The following CLEC9A variants were observed in gnomAD, a reference collection of about 807,000 sequenced individuals.
The protein encoded by CLEC9A is C-type lectin domain family 9 member A.
In CLEC9A, 24 loss-of-function variants were observed where a neutral mutation model predicts 30.0. The observed-to-expected ratio is 0.80, with a 90% CI of 0.58 to 1.13. CLEC9A has a LOEUF of 1.13. Among genes scored for constraint, CLEC9A ranks in the 50% most tolerant of loss-of-function variants. The pLI is 0.00. For synonymous variants in CLEC9A, 111 were observed against 96.8 expected, an observed-to-expected ratio of 1.15 and a Z score of -0.86; for missense variants, 251 against 280.9, an observed-to-expected ratio of 0.89 and a Z score of 0.76.
chr12:10,054,355 AG>A lies in CLEC9A; in HGVS notation c.172+5del. On this transcript the variant is annotated splice_donor_5th_base_variant and intron_variant, in intron 5 of 8. Transcript: ENST00000355819. ...TCCATTTTCTTGGGCGTCAAGTGTA[AG>A]TACTAAAAGATATTTTCAAAATATG... 1 of 1,581,386 alleles carries A rather than the reference AG, an allele frequency of 6.3e-7. No individual in the cohort carries two copies. The highest frequency in any genetic ancestry group is 8.7e-7 in the Non-Finnish European group (1 of 1,154,948).
At position 10,054,283 on chromosome 12, in the gene CLEC9A, T is replaced by C; in HGVS notation, c.104T>C (p.Leu35Pro). The C allele has an allele frequency of 6.2e-7, 1 of 1,613,078 alleles. No homozygotes were observed. The highest frequency in any genetic ancestry group is 2.2e-5 in the East Asian group (1 of 44,820). ...SSNKCSGACCLVMVISCVFCM... is the reference protein window; with the variant it reads ...SSNKCSGACCPVMVISCVFCM... ...ATTCTGTGGTTAGGAGCATGCTGTC[T>C]TGTGATGGTGATTTCATGTGTTTTC... The change falls in exon 5 of 9, where the codon CTT (leucine) becomes CCT (proline). Residue 35 changes from leucine (L) to proline (P), a missense_variant. Transcript: ENST00000355819.
chr12:10,044,494 T>C lies in CLEC9A; in HGVS notation c.-163+2874T>C, dbSNP rs148235628. Among the ~76,000 whole-genome samples the C allele has an allele frequency of 2.0e-4, 30 of 152,332 alleles. No homozygotes were observed. The East Asian group carries it at 5.6e-3, about 28-fold the overall frequency. ...ATTGCAGACAAATTAGTGGGGTTTTTTTTATTCTTCCAACAAATCAAACTC... is the reference window on the plus strand; with the variant it reads ...ATTGCAGACAAATTAGTGGGGTTTTCTTTATTCTTCCAACAAATCAAACTC... On this transcript the variant is annotated intron_variant, in intron 2 of 8. Coordinates refer to ENST00000355819, the MANE Select transcript of CLEC9A (RefSeq NM_207345.4).
intron 1 of CLEC9A, among the ~76,000 whole-genome samples, chr12:10,033,810 A>T (rs6488245): frequency 0.69 from 104,674 of 151,982 alleles, 36,752 homozygotes; most frequent in Middle Eastern, 0.84. Context: ...GGACACTTTT[A>T]AAGTGGGGCC....
At chr12:10,053,036 A>T (rs552340993) in intron 4 of CLEC9A, among the ~76,000 whole-genome samples, 1 of 152,312 alleles carries the variant, frequency 6.6e-6, no homozygotes, top group South Asian at 2.1e-4. Context: ...AGATTTGGGA[A>T]ATACGTGAAA....
At position 10,065,713 on chromosome 12, in the gene CLEC9A, A is replaced by T; in HGVS notation, c.*81A>T. The T allele has an allele frequency of 6.5e-7, 1 of 1,529,940 alleles. No homozygotes were observed. Among genetic ancestry groups the T allele is most frequent in the Non-Finnish European group, 8.8e-7 (1 of 1,130,080 alleles). 94.8% of individuals were successfully genotyped at this position (1,529,940 alleles called of 1,614,324 possible). A position where few individuals can be genotyped will look rare whatever the true frequency, so the allele number is the denominator to read the frequency against. ...AAACCCACCCCCACCCCCCCTCAAA[A>T]AAACAGAACAGTAAACCAAAATGTG... On this transcript the variant is annotated 3_prime_UTR_variant, in exon 9 of 9. Coordinates refer to ENST00000355819, the MANE Select transcript of CLEC9A (RefSeq NM_207345.4).
At chr12:10,043,513 C>T (rs1865815672) in intron 2 of CLEC9A, among the ~76,000 whole-genome samples, 1 of 151,950 alleles carries the variant, frequency 6.6e-6, no homozygotes, top group South Asian at 2.1e-4. Context: ...TTCTACCTTC[C>T]CCTCTCCCAT....
At chr12:10,050,985 A>T (rs866396778) in intron 2 of CLEC9A, among the ~76,000 whole-genome samples, 2 of 152,246 alleles carry the variant, frequency 1.3e-5, no homozygotes, top group Admixed American at 6.5e-5. Flanking sequence ...AAGGCGGATC[A>T]CCTGAGGTCA....
intron 2 of CLEC9A, chr12:10,045,523 G>T (rs1014890369): frequency 7.8e-6 from 2 of 257,570 alleles, no homozygotes; most frequent in South Asian, 5.3e-5. Context: ...AATATGAATT[G>T]TGCCTATTTT....
chr12:10,034,761 C>T (rs1036476754), intron 1 of CLEC9A, among the ~76,000 whole-genome samples: 6 of 152,284 alleles, frequency 3.9e-5, no homozygotes, highest in Non-Finnish European at 5.9e-5. Context: ...TGTGGGGCTC[C>T]GGCCCCACGG....
At chr12:10,043,932 G>A (rs574032625) in intron 2 of CLEC9A, among the ~76,000 whole-genome samples, 1 of 152,092 alleles carries the variant, frequency 6.6e-6, no homozygotes, top group Non-Finnish European at 1.5e-5. Flanking sequence ...GCCTGCCTCA[G>A]CCTCCCAAAG....
chr12:10,041,847 A>G (rs1047549426), intron 2 of CLEC9A, among the ~76,000 whole-genome samples: 12 of 152,220 alleles, frequency 7.9e-5, no homozygotes, highest in African/African-American at 2.4e-4. Context: ...TCCCTTCCTG[A>G]CAGCTCAGGT....
intron 2 of CLEC9A, among the ~76,000 whole-genome samples, chr12:10,045,130 T>G (rs1158968263): frequency 6.6e-6 from 1 of 152,186 alleles, no homozygotes. Context: ...TTGCAGCTCT[T>G]TGTCCTGTTC....
chr12:10,040,511 C>T (rs1382937553), intron 1 of CLEC9A, among the ~76,000 whole-genome samples: 2 of 149,450 alleles, frequency 1.3e-5, no homozygotes, highest in African/African-American at 4.9e-5. Context: ...AGTGCGGTGG[C>T]GCCATCTCGG....
chr12:10,050,749 T>G (rs1452586788), intron 2 of CLEC9A, among the ~76,000 whole-genome samples: 1 of 152,246 alleles, frequency 6.6e-6, no homozygotes, highest in Non-Finnish European at 1.5e-5. Flanking sequence ...AAGCTTCTGT[T>G]ACTGTGTTCC....
intron 1 of CLEC9A, among the ~76,000 whole-genome samples, chr12:10,040,429 A>G (rs983329813): frequency 2.0e-5 from 3 of 150,364 alleles, no homozygotes; most frequent in African/African-American, 7.3e-5. Context: ...ACGTGTATCT[A>G]GTAAACTCTT....
intron 2 of CLEC9A, among the ~76,000 whole-genome samples, chr12:10,051,065 C>T (rs1401289133): frequency 5.3e-5 from 8 of 151,820 alleles, no homozygotes; most frequent in Admixed American, 3.3e-4. Context: ...ATTAGCCGGG[C>T]GTGGTGGCGG....
At chr12:10,047,805 G>A (rs1430142588) in intron 2 of CLEC9A, among the ~76,000 whole-genome samples, 2 of 152,160 alleles carry the variant, frequency 1.3e-5, no homozygotes, top group African/African-American at 2.4e-5. Flanking sequence ...AAATGCTAAC[G>A]ATTACCTGAG....
intron 1 of CLEC9A, among the ~76,000 whole-genome samples, 154 bp from the exon 2 acceptor site, chr12:10,041,312 T>C (rs1465110536): frequency 6.6e-6 from 1 of 152,114 alleles, no homozygotes; most frequent in East Asian, 1.9e-4. Context: ...TTAGTAGGTA[T>C]TGTTTTTTTA....
intron 2 of CLEC9A, 74 bp downstream of exon 2, chr12:10,041,694 GT>G (rs2137299729): frequency 2.0e-6 from 1 of 507,074 alleles, no homozygotes; most frequent in African/African-American, 2.0e-5. Flanking sequence ...GACCTTTTTT[GT>G]TTTTTACATT....
Sources: allele counts gnomAD v4.1 joint callset (sites outside exome capture counted in the v4.1 genomes callset), GRCh38; gene constraint gnomAD v4.1.1; transcripts MANE v1.5; gene names NCBI Gene and HGNC (gene_info 2026-07-23, HGNC 2026-07-21).